NUBPL: variants seen among roughly 807,000 people sequenced by gnomAD.
The protein encoded by NUBPL is iron-sulfur cluster transfer protein NUBPL.
A neutral mutation model predicts 45.7 loss-of-function variants in NUBPL; 31 were observed. That is an observed-to-expected ratio of 0.68 (90% CI 0.51 to 0.92). The LOEUF is 0.92. Ranked by LOEUF, NUBPL falls within the 40% of genes least tolerant of loss-of-function variation. The probability of loss-of-function intolerance (pLI) is 0.00; values close to 1 mark genes in which losing one functional copy is unlikely to be tolerated. For missense variants in NUBPL, 401 were observed against 398.7 expected (o/e 1.01, Z -0.05); for synonymous variants, 144 against 140.9 (o/e 1.02, Z -0.15).
chr14:31,678,964 G>A (rs1490653359), intron 6 of NUBPL, among the ~76,000 whole-genome samples: 4 of 152,258 alleles, frequency 2.6e-5, no homozygotes, highest in East Asian at 1.9e-4. Context: ...CTCAGGTTCC[G>A]ACCTCTGGGA....
chr14:31,816,521 C>T (rs2039920241), intron 7 of NUBPL, among the ~76,000 whole-genome samples: 1 of 151,840 alleles, frequency 6.6e-6, no homozygotes, highest in African/African-American at 2.4e-5. Flanking sequence ...TTTCTTGTCT[C>T]TATCTCCTTC....
At chr14:31,820,937 A>C (rs1449821958) in intron 7 of NUBPL, among the ~76,000 whole-genome samples, 1 of 151,714 alleles carries the variant, frequency 6.6e-6, no homozygotes, top group Non-Finnish European at 1.5e-5. Flanking sequence ...CCTGACCAAC[A>C]TGGAGAAACC....
At chr14:31,583,334 T>A (rs969670691) in intron 3 of NUBPL, among the ~76,000 whole-genome samples, 1 of 152,192 alleles carries the variant, frequency 6.6e-6, no homozygotes, top group African/African-American at 2.4e-5. Flanking sequence ...TCACACAGCA[T>A]GTGGTTTTAT....
At chr14:31,827,042 C>T (rs1344933413) in intron 8 of NUBPL, among the ~76,000 whole-genome samples, 1 of 152,104 alleles carries the variant, frequency 6.6e-6, no homozygotes, top group East Asian at 1.9e-4. Flanking sequence ...GAATAGATCA[C>T]TTATGGGGAA....
intron 6 of NUBPL, among the ~76,000 whole-genome samples, chr14:31,713,715 C>T (rs1440203633): frequency 6.6e-6 from 1 of 152,116 alleles, no homozygotes; most frequent in Non-Finnish European, 1.5e-5. Context: ...TCTAGGCAGC[C>T]CTCTCTTTTA....
At chr14:31,728,348 C>T (rs995813050) in intron 6 of NUBPL, among the ~76,000 whole-genome samples, 3 of 151,972 alleles carry the variant, frequency 2.0e-5, no homozygotes, top group African/African-American at 7.2e-5. Context: ...GACAAGATCT[C>T]GCTACATTTC....
chr14:31,714,783 AC>A (rs2037652177), intron 6 of NUBPL: 1 of 152,198 alleles, frequency 6.6e-6, no homozygotes, highest in Non-Finnish European at 1.5e-5. Flanking sequence ...AGAGTTGTCT[AC>A]TTTCAGACTT....
chr14:31,571,898 T>C (rs928116990), intron 3 of NUBPL, among the ~76,000 whole-genome samples: 2 of 152,218 alleles, frequency 1.3e-5, no homozygotes, highest in African/African-American at 4.8e-5. Flanking sequence ...ATATGTGCTT[T>C]CCATGGACTA....
At chr14:31,625,727 C>T (rs759888636) in intron 4 of NUBPL, among the ~76,000 whole-genome samples, 13 of 152,144 alleles carry the variant, frequency 8.5e-5, no homozygotes, top group Non-Finnish European at 1.8e-4. Flanking sequence ...CTGCCAGCCT[C>T]AGCCTCCCAA....
At chr14:31,700,488 C>T (rs1466630531) in intron 6 of NUBPL, among the ~76,000 whole-genome samples, 2 of 152,172 alleles carry the variant, frequency 1.3e-5, no homozygotes, top group Non-Finnish European at 2.9e-5. Flanking sequence ...GTGGGAGCCC[C>T]TCTCTGGGCT....
At chr14:31,768,064 A>G (rs1273342571) in intron 6 of NUBPL, among the ~76,000 whole-genome samples, 1 of 152,246 alleles carries the variant, frequency 6.6e-6, no homozygotes, top group Admixed American at 6.5e-5. Flanking sequence ...CTTTTAGACT[A>G]TCAGTCTTCC....
chr14:31,729,284 C>CT (rs201009292), intron 6 of NUBPL, among the ~76,000 whole-genome samples: 1 of 145,940 alleles, frequency 6.9e-6, no homozygotes, highest in South Asian at 2.3e-4. Flanking sequence ...ATCCCCCCCC[C>CT]CCCCAAAAAA....
chr14:31,822,765 C>T (rs913140077), intron 7 of NUBPL, among the ~76,000 whole-genome samples: 2 of 152,060 alleles, frequency 1.3e-5, no homozygotes, highest in African/African-American at 2.4e-5. Context: ...TTACATGCTT[C>T]GTGAGCATTT....
chr14:31,574,568 T>G (rs1178784224), intron 3 of NUBPL, among the ~76,000 whole-genome samples: 1 of 132,982 alleles, frequency 7.5e-6, no homozygotes, highest in African/African-American at 2.8e-5. Context: ...CCTGGCCTAC[T>G]CGATTCTTTC....
intron 4 of NUBPL, among the ~76,000 whole-genome samples, chr14:31,624,409 G>A (rs1181837660): frequency 6.6e-6 from 1 of 152,140 alleles, no homozygotes; most frequent in Admixed American, 6.5e-5. Flanking sequence ...ATATGTGTTT[G>A]GAATTAAGGA....
chr14:31,729,284 C>CCG (rs2037997247), intron 6 of NUBPL, among the ~76,000 whole-genome samples: 1 of 145,940 alleles, frequency 6.9e-6, no homozygotes. Flanking sequence ...ATCCCCCCCC[C>CCG]CCCCAAAAAA....
chr14:31,765,580 A>G (rs531010144), intron 6 of NUBPL, among the ~76,000 whole-genome samples: 116 of 152,158 alleles, frequency 7.6e-4, no homozygotes, highest in Non-Finnish European at 1.5e-3. Flanking sequence ...TTCAAATCTA[A>G]AGACATAAGC....
At chr14:31,585,533 G>A (rs927918504) in intron 3 of NUBPL, among the ~76,000 whole-genome samples, 5 of 152,246 alleles carry the variant, frequency 3.3e-5, no homozygotes, top group South Asian at 4.1e-4. Context: ...TCGTGTGTAC[G>A]TATGTTTCAG....
At chr14:31,826,891 A>G (rs1284078286) in intron 8 of NUBPL, among the ~76,000 whole-genome samples, 177 bp downstream of exon 8, 2 of 152,230 alleles carry the variant, frequency 1.3e-5, no homozygotes, top group African/African-American at 4.8e-5. Context: ...ATGTCTATAC[A>G]TGATATTAAT....
Sources: gnomAD v4.1 joint callset for allele counts (sites outside exome capture counted in the v4.1 genomes callset) on GRCh38, gnomAD v4.1.1 for gene constraint, MANE v1.5 for transcripts, NCBI Gene and HGNC (gene_info 2026-07-23, HGNC 2026-07-21) for gene names.